Variants in ARID5B observed in about 807,000 individuals in gnomAD.
ARID5B encodes AT-rich interactive domain-containing protein 5B.
In ARID5B, 13 loss-of-function variants were observed where a neutral mutation model predicts 97.2. That is an observed-to-expected ratio of 0.13 (90% CI 0.09 to 0.21). The LOEUF is 0.21. ARID5B is among the 10% of genes least tolerant of loss of function. The pLI is 1.00. For synonymous variants in ARID5B, 556 were observed against 570.3 expected, an observed-to-expected ratio of 0.97 and a Z score of 0.36; for missense variants, 1,210 against 1,465.3, an observed-to-expected ratio of 0.83 and a Z score of 2.84.
At chr10:62,085,950 C>T (rs150911825) in intron 9 of ARID5B, 50 bp downstream of exon 9, 10 of 1,564,486 alleles carry the variant, frequency 6.4e-6, no homozygotes, top group South Asian at 3.6e-5. Context: ...TGTGCTGCCT[C>T]GAGGTCCTTC....
intron 4 of ARID5B, among the ~76,000 whole-genome samples, chr10:62,021,828 G>A (rs1176171391): frequency 2.6e-5 from 4 of 152,234 alleles, no homozygotes; most frequent in African/African-American, 7.2e-5. Flanking sequence ...TCAACAGTTA[G>A]TCCATATATT....
At chr10:61,954,237 A>C (rs755259612) in intron 3 of ARID5B, among the ~76,000 whole-genome samples, 9 of 151,900 alleles carry the variant, frequency 5.9e-5, no homozygotes, top group Non-Finnish European at 1.3e-4. Flanking sequence ...CGTGCCTGTA[A>C]TCCCAGCTAC....
chr10:62,022,080 T>TC (rs989053986), intron 4 of ARID5B, among the ~76,000 whole-genome samples: 2 of 152,242 alleles, frequency 1.3e-5, no homozygotes, highest in African/African-American at 2.4e-5. Flanking sequence ...CATGTTCTCT[T>TC]CTTTACTGAA....
At chr10:62,055,193 A>G (rs1839839655) in intron 5 of ARID5B, among the ~76,000 whole-genome samples, 1 of 152,212 alleles carries the variant, frequency 6.6e-6, no homozygotes, top group Non-Finnish European at 1.5e-5. Flanking sequence ...TGTTTTCATT[A>G]CCAATTTAAT....
At chr10:61,987,128 A>G (rs1009998584) in intron 3 of ARID5B, among the ~76,000 whole-genome samples, 3 of 151,894 alleles carry the variant, frequency 2.0e-5, no homozygotes, top group Admixed American at 2.0e-4. Context: ...AAATATGACA[A>G]CTTCTCACTC....
intron 4 of ARID5B, among the ~76,000 whole-genome samples, chr10:62,027,506 G>A (rs553930463): frequency 6.6e-6 from 1 of 150,940 alleles, no homozygotes; most frequent in South Asian, 2.1e-4. Context: ...GTAGAGACGG[G>A]GTTTCACCAT....
chr10:62,013,505 C>T (rs1839243485), intron 4 of ARID5B, among the ~76,000 whole-genome samples: 1 of 151,988 alleles, frequency 6.6e-6, no homozygotes, highest in Non-Finnish European at 1.5e-5. Flanking sequence ...TAACTATAGT[C>T]ACCATGTTGA....
intron 2 of ARID5B, among the ~76,000 whole-genome samples, chr10:61,919,794 C>T (rs1432407348): frequency 1.3e-5 from 2 of 152,100 alleles, no homozygotes; most frequent in East Asian, 1.9e-4. Flanking sequence ...GTAAAATATG[C>T]ATCCCTAACT....
chr10:62,001,092 G>A (rs1212430687), intron 4 of ARID5B, among the ~76,000 whole-genome samples: 1 of 152,204 alleles, frequency 6.6e-6, no homozygotes, highest in Admixed American at 6.5e-5. Flanking sequence ...AGTAGATGGC[G>A]AGATGCAAGC....
intron 4 of ARID5B, among the ~76,000 whole-genome samples, chr10:62,018,546 C>T (rs867559923): frequency 2.0e-5 from 3 of 150,522 alleles, no homozygotes; most frequent in East Asian, 1.9e-4. Context: ...AAATATTGCC[C>T]GGTCTCCATG....
chr10:62,074,309 C>A (rs917412097), intron 8 of ARID5B, among the ~76,000 whole-genome samples: 2 of 152,206 alleles, frequency 1.3e-5, no homozygotes, highest in Non-Finnish European at 2.9e-5. Flanking sequence ...TCTTCTTGCA[C>A]ACATAATGCC....
chr10:61,918,024 C>G (rs1843941098), intron 2 of ARID5B, among the ~76,000 whole-genome samples: 1 of 152,084 alleles, frequency 6.6e-6, no homozygotes, highest in Non-Finnish European at 1.5e-5. Flanking sequence ...GAAGCAAAGC[C>G]ACAGGCAAGT....
At chr10:62,063,275 T>G (rs1295145142) in intron 7 of ARID5B, among the ~76,000 whole-genome samples, 1 of 152,184 alleles carries the variant, frequency 6.6e-6, no homozygotes, top group African/African-American at 2.4e-5. Flanking sequence ...GTATGGATAA[T>G]GTAAATATTC....
chr10:61,930,393 C>A (rs1006981930), intron 2 of ARID5B, among the ~76,000 whole-genome samples: 28 of 152,060 alleles, frequency 1.8e-4, no homozygotes, highest in African/African-American at 6.5e-4. Context: ...TTCCTTAGAA[C>A]AAGAGCAGGC....
intron 2 of ARID5B, among the ~76,000 whole-genome samples, chr10:61,932,762 C>T (rs1392512219): frequency 6.6e-6 from 1 of 152,146 alleles, no homozygotes; most frequent in African/African-American, 2.4e-5. Flanking sequence ...TCAACCCTCT[C>T]AAACCCTGCC....
chr10:62,007,339 CTCATTCATTCAT>C (rs536843591), intron 4 of ARID5B, among the ~76,000 whole-genome samples: 1 of 152,096 alleles, frequency 6.6e-6, no homozygotes, highest in South Asian at 2.1e-4. Context: ...ATGATAGGCT[CTCATTCATTCAT>C]TCATTCATTC....
intron 3 of ARID5B, among the ~76,000 whole-genome samples, chr10:61,997,274 A>AG (rs1380287205): frequency 6.6e-6 from 1 of 151,822 alleles, no homozygotes. Flanking sequence ...TGAGGTGGAG[A>AG]GAAAAAAAAA....
intron 3 of ARID5B, among the ~76,000 whole-genome samples, chr10:61,998,534 G>A (rs1052716241): frequency 6.6e-6 from 1 of 152,214 alleles, no homozygotes; most frequent in Non-Finnish European, 1.5e-5. Context: ...TCAAGCTTAA[G>A]ATGAAGGAAG....
intron 8 of ARID5B, among the ~76,000 whole-genome samples, chr10:62,077,726 C>A (rs1284445328): frequency 6.6e-6 from 1 of 152,090 alleles, no homozygotes; most frequent in Non-Finnish European, 1.5e-5. Flanking sequence ...GTGTCTTAGC[C>A]CTTTTCTTTT....
Sources: gnomAD v4.1 joint callset for allele counts (sites outside exome capture counted in the v4.1 genomes callset) on GRCh38, gnomAD v4.1.1 for gene constraint, MANE v1.5 for transcripts, NCBI Gene and HGNC (gene_info 2026-07-23, HGNC 2026-07-21) for gene names.